SPPL2B: variants seen among roughly 807,000 people sequenced by gnomAD.
The protein encoded by SPPL2B is signal peptide peptidase-like 2B.
SPPL2B carries 39 observed loss-of-function variants against 59.7 expected under a neutral mutation model. The ratio of observed to expected loss-of-function variants is 0.65; its 90% CI spans 0.51 to 0.85. SPPL2B has a LOEUF of 0.85. Ranked by LOEUF, SPPL2B falls within the 40% of genes least tolerant of loss-of-function variation. SPPL2B has a pLI of 0.00. For missense variants in SPPL2B, 865 were observed against 849.0 expected, an observed-to-expected ratio of 1.02 and a Z score of -0.23; for synonymous variants, 419 against 370.8, an observed-to-expected ratio of 1.13 and a Z score of -1.49.
intron 5 of SPPL2B, 72 bp from the exon 6 acceptor site, chr19:2,339,752 T>C: frequency 6.5e-7 from 1 of 1,542,642 alleles, no homozygotes; most frequent in Non-Finnish European, 8.8e-7. Flanking sequence ...TTCCCCCGGG[T>C]GGCTGTGGGC....
chr19:2,337,629 C>T lies in SPPL2B; in HGVS notation c.369+4C>T, dbSNP rs533803354. The T allele has an allele frequency of 4.2e-5, 65 of 1,550,516 alleles. No homozygotes were observed. The East Asian group carries it at 4.9e-4, about 12-fold the overall frequency. ...CATCGTCAGCAGGGAGAGGCTGGTACGGCCCTGTGCGTCCCCCGCTGGGCC... is the reference window on the plus strand; with the variant it reads ...CATCGTCAGCAGGGAGAGGCTGGTATGGCCCTGTGCGTCCCCCGCTGGGCC... On this transcript the variant is annotated splice_donor_region_variant and intron_variant, in intron 3 of 14. Coordinates refer to ENST00000613503, the MANE Select transcript of SPPL2B (RefSeq NM_152988.3).
chr19:2,341,278 C>T (rs1325659861), intron 8 of SPPL2B: 4 of 646,406 alleles, frequency 6.2e-6, no homozygotes, highest in Non-Finnish European at 1.1e-5. Context: ...CCACGTCCTC[C>T]AGCCTGGATG....
At chr19:2,345,524 C>T (rs1027248460) in intron 13 of SPPL2B, among the ~76,000 whole-genome samples, 194 bp downstream of exon 13, 8 of 152,094 alleles carry the variant, frequency 5.3e-5, no homozygotes, top group African/African-American at 1.9e-4. Context: ...TGGGCCTGTG[C>T]CTGCATCCCC....
chr19:2,350,977 G>T (rs1969895679), intron 13 of SPPL2B, among the ~76,000 whole-genome samples: 1 of 152,236 alleles, frequency 6.6e-6, no homozygotes, highest in South Asian at 2.1e-4. Flanking sequence ...CATTTCACTG[G>T]GTGTCTCCTG....
chr19:2,339,424 GGGCAGGTGTGGATGT>G (rs1485578885), intron 5 of SPPL2B, among the ~76,000 whole-genome samples: 1 of 152,154 alleles, frequency 6.6e-6, no homozygotes, highest in African/African-American at 2.4e-5. Flanking sequence ...GTGTAGGGCT[GGGCAGGTGTGGATGT>G]GGCAGGTACG....
chr19:2,351,158 C>T (rs1000265661), intron 13 of SPPL2B, among the ~76,000 whole-genome samples: 1 of 152,228 alleles, frequency 6.6e-6, no homozygotes, highest in Non-Finnish European at 1.5e-5. Flanking sequence ...TGCCCGGACC[C>T]TGCCCCTCCC....
chr19:2,333,652 G>A (rs957372294), intron 1 of SPPL2B, among the ~76,000 whole-genome samples: 3 of 152,236 alleles, frequency 2.0e-5, no homozygotes, highest in Non-Finnish European at 4.4e-5. Context: ...GCCCCAGCCC[G>A]TTCTGTCCTG....
intron 8 of SPPL2B, chr19:2,342,863 G>A (rs1599228744): frequency 7.6e-6 from 2 of 262,314 alleles, no homozygotes; most frequent in South Asian, 5.2e-5. Context: ...GGACGCAGCC[G>A]GCCAGGCCCG....
chr19:2,340,237 C>T (rs12460384), intron 7 of SPPL2B, 65 bp downstream of exon 7: 579,197 of 1,262,022 alleles, frequency 0.46, 136,939 homozygotes, highest in Non-Finnish European at 0.49. Flanking sequence ...GCCCCTTTGC[C>T]GCCCCATAGC....
At chr19:2,352,394 C>T (rs943399613) in intron 14 of SPPL2B, among the ~76,000 whole-genome samples, 2 of 152,184 alleles carry the variant, frequency 1.3e-5, no homozygotes, top group Admixed American at 1.3e-4. Flanking sequence ...GGAGATGCCG[C>T]GCTTCTCAGC....
intron 8 of SPPL2B, chr19:2,342,055 G>T: frequency 6.4e-6 from 1 of 156,204 alleles, no homozygotes; most frequent in South Asian, 1.9e-4. Flanking sequence ...CAGCCGCCCC[G>T]CCCTGGAGAT....
At chr19:2,349,178 T>G (rs1462898874) in intron 13 of SPPL2B, among the ~76,000 whole-genome samples, 1 of 43,994 alleles carries the variant, frequency 2.3e-5, no homozygotes, top group African/African-American at 1.1e-4. Context: ...CCACACACAC[T>G]CACGCGCTGT....
chr19:2,348,532 A>G (rs1969637536), intron 13 of SPPL2B, among the ~76,000 whole-genome samples: 1 of 149,802 alleles, frequency 6.7e-6, no homozygotes, highest in African/African-American at 2.5e-5. Context: ...CTCTCCCTCC[A>G]CACACACTCA....
Position 2,344,056 on chromosome 19 carries a change from C to T in SPPL2B, c.1113+17C>T. ...CTGACCAAGGTAGGCGACTGCCTGT[C>T]CCTGCTCCACCCCATCACCCCGCTC... is the stretch of plus-strand genomic sequence containing the variant. On this transcript the variant is annotated intron_variant, in intron 10 of 14. Coordinates refer to ENST00000613503, the MANE Select transcript of SPPL2B (RefSeq NM_152988.3). The T allele has an allele frequency of 6.5e-7, 1 of 1,533,632 alleles. No homozygotes were observed. Among genetic ancestry groups the T allele is most frequent in the Non-Finnish European group, 8.8e-7 (1 of 1,134,774 alleles).
chr19:2,340,914 C>T lies in SPPL2B; in HGVS notation c.856C>T (p.Leu286=), dbSNP rs1968989632. 6.3e-7 allele frequency: 1 copy of T among 1,595,856 alleles called. No homozygotes were observed. ...FGKCRIPNNS[L]PYFHKRPQAR... ...GCCCCCCAGGATCCCCAACAACAGCCTGCCCTACTTCCACAAGCGCCCGCA... is the reference window on the plus strand; with the variant it reads ...GCCCCCCAGGATCCCCAACAACAGCTTGCCCTACTTCCACAAGCGCCCGCA... The change falls in exon 8 of 15, where the codon CTG becomes TTG. Residue 286 remains leucine, a synonymous_variant. Coordinates refer to ENST00000613503, the MANE Select transcript of SPPL2B (RefSeq NM_152988.3).
At chr19:2,346,028 C>T (rs774034898) in intron 13 of SPPL2B, among the ~76,000 whole-genome samples, 1 of 152,204 alleles carries the variant, frequency 6.6e-6, no homozygotes, top group African/African-American at 2.4e-5. Flanking sequence ...CTCTTTTTGT[C>T]TTTTTCTTCT....
chr19:2,344,115 C>T (rs1969221117), intron 10 of SPPL2B, 76 bp downstream of exon 10: 1 of 845,230 alleles, frequency 1.2e-6, no homozygotes, highest in African/African-American at 2.0e-5. Flanking sequence ...CCCATCACCC[C>T]CCCCATCACC....
intron 13 of SPPL2B, among the ~76,000 whole-genome samples, chr19:2,347,500 T>G (rs866653707): frequency 1.9e-4 from 2 of 10,744 alleles, no homozygotes; most frequent in East Asian, 9.6e-3. Context: ...CACGCACTCT[T>G]ATTCGCCTGA....
intron 13 of SPPL2B, among the ~76,000 whole-genome samples, chr19:2,350,455 TTC>T (rs1184971303): frequency 8.3e-5 from 12 of 144,202 alleles, no homozygotes; most frequent in African/African-American, 1.8e-4. Context: ...CTTGATTCCG[TTC>T]TCTCTCTCCA....
Sources: gnomAD v4.1 joint callset for allele counts (sites outside exome capture counted in the v4.1 genomes callset) on GRCh38, gnomAD v4.1.1 for gene constraint, MANE v1.5 for transcripts, NCBI Gene and HGNC (gene_info 2026-07-23, HGNC 2026-07-21) for gene names.